BRAF: variants seen among roughly 807,000 people sequenced by gnomAD.
BRAF encodes B-Raf proto-oncogene, serine/threonine kinase.
A neutral mutation model predicts 104.6 loss-of-function variants in BRAF; 16 were observed. The observed-to-expected ratio is 0.15, with a 90% CI of 0.10 to 0.23. The LOEUF is 0.23. Among genes scored for constraint, BRAF ranks in the 10% least tolerant of loss-of-function variants. BRAF has a pLI of 1.00. For synonymous variants in BRAF, 310 were observed against 341.6 expected, an observed-to-expected ratio of 0.91 and a Z score of 1.02; for missense variants, 541 against 937.3, an observed-to-expected ratio of 0.58 and a Z score of 5.52.
At chr7:140,719,253 T>A, downstream of BRAF, 1 of 576,258 alleles carries the variant, frequency 1.7e-6, no homozygotes, top group Non-Finnish European at 2.2e-6. Context: ...AGTCTCTCCA[T>A]TGTCTAGAAA....
intron 3 of BRAF, among the ~76,000 whole-genome samples, chr7:140,811,545 A>T (rs1028591168): frequency 6.6e-6 from 1 of 152,216 alleles, no homozygotes; most frequent in African/African-American, 2.4e-5. Flanking sequence ...AGCAGCTTGG[A>T]ATCTTTATAG....
At position 140,884,647 on chromosome 7, in the gene BRAF, T is replaced by C. The variant is rs549302059; in HGVS notation, c.139-34435A>G. On this transcript the variant is annotated intron_variant, in intron 1 of 19. Transcript: ENST00000644969. Reference sequence around the variant, plus strand: ...GGCACACACCATCACGTCTGGCTAATTTTTAAATTTTTTTGTAGAGATAGG... The same window carrying C: ...GGCACACACCATCACGTCTGGCTAACTTTTAAATTTTTTTGTAGAGATAGG... 4.0e-3 allele frequency among the ~76,000 whole-genome samples: 613 copies of C among 152,002 alleles called. 7 individuals are homozygous for C. Among genetic ancestry groups the C allele is most frequent in the African/African-American group, 0.014 (568 of 41,444 alleles).
chr7:140,789,466 G>A (rs969338056), intron 8 of BRAF, among the ~76,000 whole-genome samples: 11 of 152,104 alleles, frequency 7.2e-5, no homozygotes, highest in Non-Finnish European at 1.3e-4. Flanking sequence ...CATGTTTAAT[G>A]TATCATATAA....
chr7:140,852,121 C>T (rs1372543011), intron 1 of BRAF, among the ~76,000 whole-genome samples: 3 of 152,114 alleles, frequency 2.0e-5, no homozygotes, highest in African/African-American at 7.2e-5. Context: ...GTAATCCCAA[C>T]ACTCTGGGAG....
intron 2 of BRAF, among the ~76,000 whole-genome samples, chr7:140,845,744 T>C (rs1808475108): frequency 6.6e-6 from 1 of 152,184 alleles, no homozygotes; most frequent in Non-Finnish European, 1.5e-5. Flanking sequence ...AGTGGCATGA[T>C]CTCGGCTCAC....
intron 14 of BRAF, among the ~76,000 whole-genome samples, chr7:140,761,032 C>T (rs917015945): frequency 6.6e-6 from 1 of 152,268 alleles, no homozygotes; most frequent in South Asian, 2.1e-4. Flanking sequence ...TCACGAAATA[C>T]AGAGAACGCC....
At chr7:140,731,045 T>G (rs1795919406) in intron 19 of BRAF, 1 of 151,788 alleles carries the variant, frequency 6.6e-6, no homozygotes, top group Non-Finnish European at 1.5e-5. Flanking sequence ...GAGACAGGGT[T>G]TTGCTTTGTT....
rs536670480 is a variant in BRAF at position 140,832,664 on chromosome 7, C to A, written c.504+1945G>T. ...ACGAATTGTTAAACTGGGAGTATGA[C>A]GGACAAGAACAAGTTACTTATTTAA... On this transcript the variant is annotated intron_variant, in intron 3 of 19. Coordinates refer to ENST00000644969, the MANE Select transcript of BRAF (RefSeq NM_001374258.1). 7.2e-5 allele frequency among the ~76,000 whole-genome samples: 11 copies of A among 152,172 alleles called. No individual in the cohort carries two copies. In the South Asian group the frequency reaches 2.3e-3, roughly 32 times the overall value.
At chr7:140,766,829 T>C (rs1480846389) in intron 14 of BRAF, among the ~76,000 whole-genome samples, 3 of 151,914 alleles carry the variant, frequency 2.0e-5, no homozygotes, top group East Asian at 1.9e-4. Flanking sequence ...GGATTACAAG[T>C]GTGAGCCACC....
chr7:140,897,952 C>A (rs939977813), intron 1 of BRAF, among the ~76,000 whole-genome samples: 1 of 152,162 alleles, frequency 6.6e-6, no homozygotes, highest in African/African-American at 2.4e-5. Flanking sequence ...GTAATCCCAG[C>A]ACTTTGGGAG....
chr7:140,727,853 C>T (rs1445356834), intron 19 of BRAF, among the ~76,000 whole-genome samples: 2 of 151,618 alleles, frequency 1.3e-5, no homozygotes, highest in Admixed American at 6.6e-5. Context: ...TATCTCCTGA[C>T]CTCATGATCC....
At chr7:140,734,317 G>C in intron 19 of BRAF, 1 of 1,258,032 alleles carries the variant, frequency 7.9e-7, no homozygotes, top group Non-Finnish European at 1.0e-6. Context: ...AAATAACCAA[G>C]TGAATGATAC....
chr7:140,890,312 C>A (rs2129115401), intron 1 of BRAF, among the ~76,000 whole-genome samples: 1 of 152,242 alleles, frequency 6.6e-6, no homozygotes, highest in East Asian at 1.9e-4. Flanking sequence ...TGGGGATAAT[C>A]TCTGTGGTTC....
At position 140,924,882 on chromosome 7, in the gene BRAF, C is replaced by T; in HGVS notation, c.-179G>A. On this transcript the variant is annotated 5_prime_UTR_variant, in exon 1 of 20. Coordinates refer to ENST00000644969, the MANE Select transcript of BRAF (RefSeq NM_001374258.1). This position sits in a 1 kb window ranked among gnomAD's most constrained non-coding sequence, Gnocchi z 4.2. ...GAGGGCGCCTGGGCCACCTCAGGTA[C>T]CGGCCCGCGGCCCCGGGCGCAGCCG... 5.3e-6 allele frequency: 1 copy of T among 187,360 alleles called. No homozygotes were observed. Among genetic ancestry groups the T allele is most frequent in the Non-Finnish European group, 1.1e-5 (1 of 94,704 alleles). 11.6% of individuals were successfully genotyped at this position (187,360 alleles called of 1,614,324 possible). A position where few individuals can be genotyped will look rare whatever the true frequency, so the allele number is the denominator to read the frequency against.
chr7:140,887,546 AGT>A (rs1813713306), intron 1 of BRAF, among the ~76,000 whole-genome samples: 2 of 152,314 alleles, frequency 1.3e-5, no homozygotes, highest in East Asian at 3.9e-4. Flanking sequence ...ATATGGCTGC[AGT>A]GACACAAATT....
chr7:140,726,137 T>A lies in BRAF; in HGVS notation c.*357A>T. On this transcript the variant is annotated 3_prime_UTR_variant, in exon 20 of 20. Coordinates refer to ENST00000644969, the MANE Select transcript of BRAF (RefSeq NM_001374258.1). ...GATCTGGTGGTTAGAAGGGCAAAGT[T>A]GACTGGCAGACTTTCCATAGCAAAT... The A allele has an allele frequency of 8.9e-7, 1 of 1,117,492 alleles. No homozygotes were observed. The highest frequency in any genetic ancestry group is 1.1e-6 in the Non-Finnish European group (1 of 913,820). The allele number at this position is 1,117,492 out of a possible 1,614,324, so 69.2% of individuals were successfully genotyped here. A position where few individuals can be genotyped will look rare whatever the true frequency, so the allele number is the denominator to read the frequency against.
intron 14 of BRAF, among the ~76,000 whole-genome samples, chr7:140,767,157 C>T (rs901986237): frequency 6.6e-5 from 10 of 152,054 alleles, no homozygotes; most frequent in African/African-American, 2.4e-4. Context: ...GCACAGACCA[C>T]CACGCCTGGC....
In BRAF at chr7:140,744,909, C is replaced by T. The variant is rs529212622; in HGVS notation, c.2112+4378G>A. On this transcript the variant is annotated intron_variant, in intron 17 of 19. Transcript: ENST00000644969. Reference sequence around the variant, plus strand: ...AATTAATAATCAGAGCTTGAAGTCACAATTTTGTAAAATTCTAAATTTAAA... The same window carrying T: ...AATTAATAATCAGAGCTTGAAGTCATAATTTTGTAAAATTCTAAATTTAAA... 1.1e-4 allele frequency among the ~76,000 whole-genome samples: 16 copies of T among 152,190 alleles called. No homozygotes were observed. The South Asian group carries it at 1.5e-3, about 14-fold the overall frequency.
At chr7:140,825,105 G>A (rs1805884802) in intron 3 of BRAF, among the ~76,000 whole-genome samples, 1 of 151,738 alleles carries the variant, frequency 6.6e-6, no homozygotes. Context: ...GAGCAGCTGG[G>A]GTTACAGGCG....
Sources: gnomAD v4.1 joint callset for allele counts (sites outside exome capture counted in the v4.1 genomes callset) on GRCh38, gnomAD v4.1.1 for gene constraint, Gnocchi (gnomAD v3.1) non-coding constraint, MANE v1.5 for transcripts, NCBI Gene and HGNC (gene_info 2026-07-23, HGNC 2026-07-21) for gene names.